The following FRMD3 variants were observed in gnomAD, a reference collection of about 807,000 sequenced individuals.
The protein encoded by FRMD3 is FERM domain containing 3.
Under a neutral mutation model 70.2 loss-of-function variants are expected in FRMD3, and 33 were observed. That is an observed-to-expected ratio of 0.47 (90% confidence interval 0.36 to 0.63). FRMD3 has a LOEUF of 0.63. Ranked by LOEUF, FRMD3 falls within the 20% of genes least tolerant of loss-of-function variation. The pLI is 0.00. For missense variants in FRMD3, 632 were observed against 711.4 expected (o/e 0.89, Z 1.27); for synonymous variants, 279 against 255.9 (o/e 1.09, Z -0.86).
At chr9:83,577,246 A>G in the FRMD3 span, among the ~76,000 whole-genome samples, 15 of 152,074 alleles carry the variant, frequency 9.9e-5, no homozygotes, top group African/African-American at 7.2e-5. Context: ...ATGGAAATAT[A>G]AAGGACCCAG....
chr9:83,311,750 T>C (rs1835364533), intron 8 of FRMD3, 137 bp downstream of exon 8: 2 of 701,836 alleles, frequency 2.8e-6, no homozygotes, highest in South Asian at 3.3e-5. Context: ...AGATGTTACA[T>C]CCCTTTATGA....
intron 10 of FRMD3, among the ~76,000 whole-genome samples, chr9:83,308,557 T>C (rs1363881367): frequency 1.1e-4 from 17 of 152,262 alleles, no homozygotes; most frequent in Non-Finnish European, 4.4e-5. Context: ...ACAGTGCTGA[T>C]GGCCTGAGCA....
At chr9:83,309,673 C>A in intron 9 of FRMD3, 49 bp from the exon 10 acceptor site, 4 of 1,178,880 alleles carry the variant, frequency 3.4e-6, no homozygotes, top group Non-Finnish European at 4.9e-6. Context: ...ATACCATTTA[C>A]ATTTTCCATG....
In FRMD3 at chr9:83,479,736, AAAG is replaced by A. The variant is rs1183823907; in HGVS notation, c.147+58346_147+58348del. On this transcript the variant is annotated intron_variant, in intron 1 of 13. Coordinates refer to ENST00000304195, the MANE Select transcript of FRMD3 (RefSeq NM_174938.6). ...AGAAAGAAAGAAAAGAAAGGGAAAG[AAAG>A]AAAAAGAAAAGAGAAGAAGAAGGGA... is the stretch of plus-strand genomic sequence containing the variant. 9.3e-3 allele frequency among the ~76,000 whole-genome samples: 512 copies of A among 54,998 alleles called. 57 individuals carry two copies. Among genetic ancestry groups the A allele is most frequent in the African/African-American group, 0.048 (474 of 9,818 alleles). 36.1% of individuals were successfully genotyped at this position (54,998 alleles called of 152,430 possible).
intron 6 of FRMD3, among the ~76,000 whole-genome samples, chr9:83,321,073 C>T (rs2131088253): frequency 6.6e-6 from 1 of 152,044 alleles, no homozygotes; most frequent in South Asian, 2.1e-4. Context: ...GGATCTTCTC[C>T]TTTTCTTGGT....
At chr9:83,250,082 T>C (rs1469948497) in intron 13 of FRMD3, among the ~76,000 whole-genome samples, 1 of 152,098 alleles carries the variant, frequency 6.6e-6, no homozygotes, top group African/African-American at 2.4e-5. Flanking sequence ...ACCTTCAAAC[T>C]GAGATACCCA....
At chr9:83,328,455 C>A (rs561270057) in intron 6 of FRMD3, among the ~76,000 whole-genome samples, 4 of 152,304 alleles carry the variant, frequency 2.6e-5, no homozygotes, top group East Asian at 3.9e-4. Flanking sequence ...CATTTTATAA[C>A]TACTGCTTTG....
In FRMD3 at chr9:83,415,626, T is replaced by TTA. The variant is rs1587831385; in HGVS notation, c.148-25919_148-25918insTA. Among the ~76,000 whole-genome samples, 3 of 148,850 alleles carry TTA rather than the reference T, an allele frequency of 2.0e-5. No homozygotes were observed. The East Asian group carries it at 5.9e-4, about 29-fold the overall frequency. On this transcript the variant is annotated intron_variant, in intron 1 of 13. Coordinates refer to ENST00000304195, the MANE Select transcript of FRMD3 (RefSeq NM_174938.6). Reference sequence around the variant, plus strand: ...ACTGACTAATTTTCTTTTTTTTTTTTTTTTTTTGGATTTTTACTAGAGACA... The same window carrying TTA: ...ACTGACTAATTTTCTTTTTTTTTTTTTATTTTTTTGGATTTTTACTAGAGACA...
At chr9:83,301,520 T>C (rs1430988222) in intron 10 of FRMD3, among the ~76,000 whole-genome samples, 2 of 42,006 alleles carry the variant, frequency 4.8e-5, no homozygotes, top group Non-Finnish European at 1.1e-4. Context: ...ACAAAGTGGT[T>C]GGCTTAAAAA....
chr9:83,248,635 G>T, intron 13 of FRMD3, 119 bp from the exon 14 acceptor site: 2 of 1,082,626 alleles, frequency 1.8e-6, no homozygotes, highest in Non-Finnish European at 1.3e-6. Flanking sequence ...AAATTATTCT[G>T]TGGTATCCTA....
At chr9:83,527,225 G>C (rs1179068506) in intron 1 of FRMD3, among the ~76,000 whole-genome samples, 1 of 152,220 alleles carries the variant, frequency 6.6e-6, no homozygotes. Flanking sequence ...ACTAAGCCTA[G>C]TCCTGTGTGC....
At chr9:83,419,609 A>G (rs532956394) in intron 1 of FRMD3, among the ~76,000 whole-genome samples, 5 of 148,646 alleles carry the variant, frequency 3.4e-5, no homozygotes, top group East Asian at 4.0e-4. Context: ...TGCGTGTGTG[A>G]TATGTGTGTG....
At chr9:83,274,613 T>G (rs1407968522) in intron 13 of FRMD3, among the ~76,000 whole-genome samples, 1 of 152,106 alleles carries the variant, frequency 6.6e-6, no homozygotes, top group African/African-American at 2.4e-5. Flanking sequence ...AAGCTTTGTC[T>G]GAGAGAGAAG....
chr9:83,404,166 A>G (rs1826033155), intron 1 of FRMD3, among the ~76,000 whole-genome samples: 1 of 152,168 alleles, frequency 6.6e-6, no homozygotes, highest in Non-Finnish European at 1.5e-5. Flanking sequence ...CTCCCCGGCT[A>G]TCACACCTAC....
intron 4 of FRMD3, among the ~76,000 whole-genome samples, chr9:83,347,200 G>A (rs1162380187): frequency 6.6e-6 from 1 of 152,214 alleles, no homozygotes; most frequent in Non-Finnish European, 1.5e-5. Context: ...CTTTGGGGCT[G>A]TGCCCATATC....
chr9:83,445,913 G>T (rs923944186), intron 1 of FRMD3, among the ~76,000 whole-genome samples: 1 of 152,178 alleles, frequency 6.6e-6, no homozygotes, highest in African/African-American at 2.4e-5. Context: ...GTGTATAGTA[G>T]CCAGCACTTC....
At chr9:83,412,429 GTTTC>G (rs1246699165) in intron 1 of FRMD3, among the ~76,000 whole-genome samples, 1 of 152,210 alleles carries the variant, frequency 6.6e-6, no homozygotes. Context: ...TATAGTATGA[GTTTC>G]TTTACAGAAG....
At chr9:83,350,692 A>T (rs1824126530) in intron 3 of FRMD3, 3 of 895,770 alleles carry the variant, frequency 3.3e-6, no homozygotes, top group East Asian at 2.4e-4. Flanking sequence ...AAAAGAAAAC[A>T]ATTTTATAAC....
At chr9:83,484,243 T>C (rs1828634686) in intron 1 of FRMD3, among the ~76,000 whole-genome samples, 1 of 152,214 alleles carries the variant, frequency 6.6e-6, no homozygotes, top group Admixed American at 6.5e-5. Flanking sequence ...GGGCACACAT[T>C]TGAGCATGTT....
Sources: gnomAD v4.1 joint callset for allele counts (sites outside exome capture counted in the v4.1 genomes callset) on GRCh38, gnomAD v4.1.1 for gene constraint, MANE v1.5 for transcripts, NCBI Gene and HGNC (gene_info 2026-07-23, HGNC 2026-07-21) for gene names.